The following ESCO2 variants were observed in gnomAD, a reference collection of about 807,000 sequenced individuals.
The protein encoded by ESCO2 is establishment of sister chromatid cohesion N-acetyltransferase 2.
ESCO2 carries 51 observed loss-of-function variants against 61.7 expected under a neutral mutation model. The ratio of observed to expected loss-of-function variants is 0.83; its 90% CI spans 0.66 to 1.04. ESCO2 has a LOEUF of 1.04. ESCO2 is among the 50% of genes least tolerant of loss of function. The pLI, the probability that ESCO2 is intolerant of heterozygous loss-of-function variation, is 0.00. For synonymous variants in ESCO2, 230 were observed against 238.2 expected (o/e 0.97, Z 0.32); for missense variants, 692 against 686.2 (o/e 1.01, Z -0.09).
Position 27,775,539 on chromosome 8 carries a change from A to T in ESCO2, c.25A>T (p.Arg9Trp). MAALTPRK[R>W]KQDSLKCDSL... ...AATGGCAGCTCTTACTCCAAGGAAG[A>T]GGAAGCAGGATTCTTTGAAGTGTGA... Residue 9 changes from arginine (R) to tryptophan (W), a missense_variant, in exon 2 of 11, where the codon AGG becomes TGG. Transcript: ENST00000305188. 1 of 1,614,196 alleles carries T rather than the reference A, an allele frequency of 6.2e-7. No homozygotes were observed.
intron 7 of ESCO2, among the ~76,000 whole-genome samples, chr8:27,791,286 C>A (rs140239031): frequency 1.3e-5 from 2 of 152,150 alleles, no homozygotes; most frequent in African/African-American, 4.8e-5. Flanking sequence ...AATATTTCAA[C>A]CTCATTTTTT....
At chr8:27,783,919 C>A in intron 4 of ESCO2, 81 bp from the exon 5 acceptor site, 1 of 1,273,086 alleles carries the variant, frequency 7.9e-7, no homozygotes, top group Non-Finnish European at 1.1e-6. Flanking sequence ...ATTATTTTGT[C>A]TTATTAACCT....
At position 27,788,531 on chromosome 8, in the gene ESCO2, TC is replaced by T. The variant is rs11352429; in HGVS notation, c.1132-308del. On this transcript the variant is annotated intron_variant, in intron 6 of 10. Coordinates refer to ENST00000305188, the MANE Select transcript of ESCO2 (RefSeq NM_001017420.3). Reference sequence around the variant, plus strand: ...TTTTAGGTCTCTTGTCTCTTTTTTTTCCCCCCCCAAAGAGATGGAGTCTCAC... The same window carrying T: ...TTTTAGGTCTCTTGTCTCTTTTTTTTCCCCCCCAAAGAGATGGAGTCTCAC... Among the ~76,000 whole-genome samples the T allele has an allele frequency of 0.43, 65,472 of 151,210 alleles. 14,331 individuals are homozygous for T. The highest frequency in any genetic ancestry group is 0.54 in the Middle Eastern group (156 of 290).
chr8:27,789,056 C>A (rs999465532), intron 7 of ESCO2, 78 bp downstream of exon 7: 10 of 1,571,988 alleles, frequency 6.4e-6, no homozygotes, highest in Non-Finnish European at 8.7e-6. Context: ...ACCTCTACCA[C>A]CCAGCCGGAA....
downstream of ESCO2, among the ~76,000 whole-genome samples, chr8:27,813,841 C>A (rs1335323475): frequency 6.6e-6 from 1 of 152,136 alleles, no homozygotes; most frequent in Admixed American, 6.5e-5. Context: ...TAGTATTAGA[C>A]TGAATTGGCT....
downstream of ESCO2, among the ~76,000 whole-genome samples, chr8:27,815,454 T>C (rs918904359): frequency 4.2e-4 from 64 of 152,300 alleles, no homozygotes; most frequent in African/African-American, 1.5e-3. Flanking sequence ...GCCATGGACA[T>C]TATAAGCTCC....
chr8:27,819,481 G>T, the ESCO2 span, among the ~76,000 whole-genome samples: 1 of 151,998 alleles, frequency 6.6e-6, no homozygotes, highest in Admixed American at 6.5e-5. Context: ...ATTCGGAAGT[G>T]TTTTAAATTC....
upstream of ESCO2, among the ~76,000 whole-genome samples, chr8:27,772,884 T>C (rs946766902): frequency 6.6e-6 from 1 of 152,130 alleles, no homozygotes; most frequent in African/African-American, 2.4e-5. Context: ...GTTAAATAAG[T>C]TAATGGGCGC....
At chr8:27,810,329 A>C (rs112670476), downstream of ESCO2, 3 of 1,612,744 alleles carry the variant, frequency 1.9e-6, no homozygotes, top group South Asian at 3.3e-5. Context: ...CCAGAGCTTC[A>C]ACAATGTGTG....
Position 27,803,750 on chromosome 8 carries a change from T to C in ESCO2, c.*312T>C, listed in dbSNP as rs1034071041. The C allele has an allele frequency of 9.1e-7, 1 of 1,095,320 alleles. No homozygotes were observed. Among genetic ancestry groups the C allele is most frequent in the African/African-American group, 1.7e-5 (1 of 59,812 alleles). 67.9% of individuals were successfully genotyped at this position (1,095,320 alleles called of 1,614,324 possible). The stretch of plus-strand genomic sequence containing the variant: ...ATTACCTGACTCTTTGTAAGAGTAT[T>C]AAATACAAAGTGATTTTTCTCTAGA... On this transcript the variant is annotated 3_prime_UTR_variant, in exon 11 of 11. Coordinates refer to ENST00000305188, the MANE Select transcript of ESCO2 (RefSeq NM_001017420.3).
At chr8:27,793,687 A>G (rs1805231720) in intron 9 of ESCO2, among the ~76,000 whole-genome samples, 2 of 151,772 alleles carry the variant, frequency 1.3e-5, no homozygotes, top group Admixed American at 1.3e-4. Context: ...GGGTTTCACT[A>G]TGTTGTCCAG....
upstream of ESCO2, chr8:27,772,426 C>A: frequency 7.3e-7 from 1 of 1,361,492 alleles, no homozygotes; most frequent in Non-Finnish European, 1.0e-6. Flanking sequence ...CATTTTAGAG[C>A]GAGGGTCAGG....
At chr8:27,811,165 G>A (rs934026167), downstream of ESCO2, 5 of 1,610,648 alleles carry the variant, frequency 3.1e-6, no homozygotes, top group Admixed American at 5.0e-5. Context: ...ATGAAGGCAG[G>A]AGCTACAAAT....
At chr8:27,816,261 T>C (rs1000418833), downstream of ESCO2, among the ~76,000 whole-genome samples, 3 of 151,790 alleles carry the variant, frequency 2.0e-5, no homozygotes, top group Non-Finnish European at 4.4e-5. Flanking sequence ...TCTATATTCA[T>C]GGTGCCTGAC....
intron 1 of ESCO2, 34 bp from the exon 2 acceptor site, chr8:27,775,465 T>C (rs1354824392): frequency 1.7e-5 from 27 of 1,564,962 alleles, no homozygotes; most frequent in Non-Finnish European, 2.4e-5. Context: ...ATTTTTAATA[T>C]TTTGATGAAT....
chr8:27,811,260 T>C, downstream of ESCO2: 1 of 749,068 alleles, frequency 1.3e-6, no homozygotes, highest in Non-Finnish European at 2.3e-6. Context: ...CCAGAAAATG[T>C]AAAAATACAC....
chr8:27,774,291 C>G (rs1410269471), upstream of ESCO2: 1 of 152,114 alleles, frequency 6.6e-6, no homozygotes, highest in Non-Finnish European at 1.5e-5. Context: ...TCAACTGGAC[C>G]GAGAACTACA....
chr8:27,807,981 A>AT (rs1333845147), downstream of ESCO2, among the ~76,000 whole-genome samples: 1 of 152,160 alleles, frequency 6.6e-6, no homozygotes, highest in Non-Finnish European at 1.5e-5. Flanking sequence ...TACCATCTTG[A>AT]TCTTGGACTT....
Position 27,789,095 on chromosome 8 carries a change from G to A in ESCO2, c.1263+117G>A, listed in dbSNP as rs970174738. 6 of 1,262,422 alleles carry A rather than the reference G, an allele frequency of 4.8e-6. No homozygotes were observed. In the African/African-American group the frequency reaches 6.0e-5, roughly 13 times the overall value. 78.2% of individuals were successfully genotyped at this position (1,262,422 alleles called of 1,614,324 possible). On this transcript the variant is annotated intron_variant, in intron 7 of 10. Transcript: ENST00000305188. ...TTAACTTTTAATGATGATGTTTCAA[G>A]CTTACTATCTCAATTTAAGATAAAT... is the stretch of plus-strand genomic sequence containing the variant.
Sources: gnomAD v4.1 joint callset for allele counts (sites outside exome capture counted in the v4.1 genomes callset) on GRCh38, gnomAD v4.1.1 for gene constraint, MANE v1.5 for transcripts, NCBI Gene and HGNC (gene_info 2026-07-23, HGNC 2026-07-21) for gene names.